ABCB1: variants seen among roughly 807,000 people sequenced by gnomAD.
ABCB1 encodes ATP-dependent translocase ABCB1.
In ABCB1, 69 loss-of-function variants were observed where a neutral mutation model predicts 142.0. The observed-to-expected ratio is 0.49, with a 90% CI of 0.40 to 0.59. The LOEUF (loss-of-function observed/expected upper bound fraction) is 0.59, where lower values mean the gene tolerates loss of function less well. Ranked by LOEUF, ABCB1 falls within the 20% of genes least tolerant of loss-of-function variation. The pLI, the probability that ABCB1 is intolerant of heterozygous loss-of-function variation, is 0.00. For synonymous variants in ABCB1, 532 were observed against 539.2 expected, an observed-to-expected ratio of 0.99 and a Z score of 0.18; for missense variants, 1,326 against 1,554.7, an observed-to-expected ratio of 0.85 and a Z score of 2.47.
chr7:87,603,649 T>C (rs1584917042), upstream of ABCB1, among the ~76,000 whole-genome samples: 2 of 152,376 alleles, frequency 1.3e-5, no homozygotes, highest in East Asian at 1.9e-4. Flanking sequence ...TCAGATGATA[T>C]GTGCTTTTCA....
chr7:87,600,920 G>C (rs972469907), upstream of ABCB1: 6 of 152,340 alleles, frequency 3.9e-5, no homozygotes, highest in Non-Finnish European at 8.8e-5. Context: ...GAGCGAAGCG[G>C]CTGTGCTCAG....
At chr7:87,585,946 A>G (rs927597304) in intron 3 of ABCB1, among the ~76,000 whole-genome samples, 5 of 152,310 alleles carry the variant, frequency 3.3e-5, no homozygotes, top group African/African-American at 9.6e-5. Flanking sequence ...GAAGGATGGG[A>G]CATTCTGGGA....
At chr7:87,505,201 G>A (rs2117056626) in intron 27 of ABCB1, among the ~76,000 whole-genome samples, 1 of 152,274 alleles carries the variant, frequency 6.6e-6, no homozygotes, top group South Asian at 2.1e-4. Flanking sequence ...CTGGGCTCAA[G>A]TGATCCTCCC....
chr7:87,529,340 TAGC>T (rs1470926612), intron 21 of ABCB1, among the ~76,000 whole-genome samples: 1 of 152,206 alleles, frequency 6.6e-6, no homozygotes, highest in East Asian at 1.9e-4. Context: ...AAGTACTAAA[TAGC>T]AGCTTGAGAA....
chr7:87,641,550 G>T (rs1822454071), intron 1 of ABCB1, among the ~76,000 whole-genome samples: 1 of 152,076 alleles, frequency 6.6e-6, no homozygotes, highest in Non-Finnish European at 1.5e-5. Flanking sequence ...CTGATTTGGG[G>T]GCGACAGTAA....
At chr7:87,665,243 C>A (rs1332823363) in intron 1 of ABCB1, among the ~76,000 whole-genome samples, 2 of 151,966 alleles carry the variant, frequency 1.3e-5, no homozygotes, top group East Asian at 3.9e-4. Context: ...TCAGTGAAGT[C>A]GTATGATACA....
chr7:87,652,408 C>A (rs1359760431), intron 1 of ABCB1, among the ~76,000 whole-genome samples: 2 of 151,840 alleles, frequency 1.3e-5, no homozygotes, highest in Admixed American at 1.3e-4. Context: ...ATAGATCACA[C>A]CCCTTCAGAA....
intron 21 of ABCB1, among the ~76,000 whole-genome samples, chr7:87,528,920 G>A (rs143775557): frequency 1.3e-5 from 2 of 152,106 alleles, no homozygotes; most frequent in African/African-American, 4.8e-5. Context: ...TGCCCACTGG[G>A]CCAGGGCACA....
intron 1 of ABCB1, among the ~76,000 whole-genome samples, chr7:87,680,113 G>A (rs1826781516): frequency 6.7e-6 from 1 of 150,352 alleles, no homozygotes; most frequent in South Asian, 2.1e-4. Context: ...ACTTATGAGT[G>A]AGAACATGCA....
At chr7:87,542,188 A>G (rs1333723879) in intron 17 of ABCB1, among the ~76,000 whole-genome samples, 2 of 152,208 alleles carry the variant, frequency 1.3e-5, no homozygotes, top group Non-Finnish European at 2.9e-5. Flanking sequence ...AAAAAAACAA[A>G]CAAATAACAA....
chr7:87,679,668 G>C (rs116265932), intron 1 of ABCB1, among the ~76,000 whole-genome samples: 4 of 150,426 alleles, frequency 2.7e-5, no homozygotes, highest in South Asian at 2.1e-4. Flanking sequence ...GAGATTACAA[G>C]TGTGAACCAC....
intron 1 of ABCB1, among the ~76,000 whole-genome samples, chr7:87,631,539 C>T (rs1821222202): frequency 6.6e-6 from 1 of 152,122 alleles, no homozygotes; most frequent in South Asian, 2.1e-4. Context: ...TACAGGCGCC[C>T]GCCACCACGC....
At chr7:87,557,368 C>T (rs1362439786) in intron 8 of ABCB1, among the ~76,000 whole-genome samples, 2 of 152,130 alleles carry the variant, frequency 1.3e-5, no homozygotes, top group Non-Finnish European at 2.9e-5. Flanking sequence ...GTTGTAGGTG[C>T]TGAATAAATT....
rs1816757239 is a variant in ABCB1, at chr7:87,545,852, T to G, written c.1887+11A>C. 1 of 1,612,962 alleles carries G rather than the reference T, an allele frequency of 6.2e-7. No individual in the cohort carries two copies. Among genetic ancestry groups the G allele is most frequent in the Non-Finnish European group, 8.5e-7 (1 of 1,179,338 alleles). On this transcript the variant is annotated intron_variant, in intron 15 of 27. Transcript: ENST00000622132. ...GAGATGACTTAGGAAAATTCTGAAGTTAAACTATACCTGCATTGTGACAAG... is the reference window on the plus strand; with the variant it reads ...GAGATGACTTAGGAAAATTCTGAAGGTAAACTATACCTGCATTGTGACAAG...
chr7:87,532,260 C>G (rs1028608973), intron 20 of ABCB1, among the ~76,000 whole-genome samples: 28 of 152,140 alleles, frequency 1.8e-4, no homozygotes, highest in African/African-American at 5.6e-4. Context: ...ATTCCAAATG[C>G]CTGCCCTGGC....
intron 18 of ABCB1, 69 bp from the exon 19 acceptor site, chr7:87,539,414 C>G: frequency 6.8e-7 from 1 of 1,480,014 alleles, no homozygotes; most frequent in Non-Finnish European, 9.4e-7. Context: ...GAATTGATGT[C>G]TTTGCTAAAG....
chr7:87,509,548 A>G, intron 25 of ABCB1, 67 bp from the exon 26 acceptor site: 1 of 1,509,136 alleles, frequency 6.6e-7, no homozygotes, highest in Non-Finnish European at 9.2e-7. Flanking sequence ...AATTAACATC[A>G]TTATTTCTTA....
intron 23 of ABCB1, among the ~76,000 whole-genome samples, chr7:87,518,320 T>C (rs1815340344): frequency 1.3e-5 from 2 of 152,206 alleles, no homozygotes; most frequent in South Asian, 2.1e-4. Context: ...GGAAGGTTGA[T>C]TTTGCAAACC....
intron 17 of ABCB1, among the ~76,000 whole-genome samples, chr7:87,542,882 T>C (rs1234309529): frequency 1.3e-5 from 2 of 152,178 alleles, no homozygotes; most frequent in Non-Finnish European, 2.9e-5. Flanking sequence ...ATGCAAAGCC[T>C]AAAATATTTA....
Sources: allele counts gnomAD v4.1 joint callset (sites outside exome capture counted in the v4.1 genomes callset), GRCh38; gene constraint gnomAD v4.1.1; transcripts MANE v1.5; gene names NCBI Gene and HGNC (gene_info 2026-07-23, HGNC 2026-07-21).